The following NADSYN1 variants were observed in gnomAD, a reference collection of about 807,000 sequenced individuals.
NADSYN1 encodes the protein NAD synthetase 1.
In NADSYN1, 80 loss-of-function variants were observed where a neutral mutation model predicts 99.3. That is an observed-to-expected ratio of 0.81 (90% CI 0.67 to 0.97). NADSYN1 has a LOEUF of 0.97. Ranked by LOEUF, NADSYN1 falls within the 50% of genes least tolerant of loss-of-function variation. The probability of loss-of-function intolerance (pLI) is 0.00; values close to 1 mark genes in which losing one functional copy is unlikely to be tolerated. For synonymous variants in NADSYN1, 385 were observed against 372.1 expected (o/e 1.03, Z -0.40); for missense variants, 859 against 948.5 (o/e 0.91, Z 1.24).
rs113765399 is a variant in NADSYN1, at chr11:71,473,620, G to A, written c.600G>A (p.Ser200=). The change falls in exon 8 of 21, where the codon TCG becomes TCA. Residue 200 remains serine (S), a synonymous_variant. Coordinates refer to ENST00000319023, the MANE Select transcript of NADSYN1 (RefSeq NM_018161.5). ...GCGTGGAGATCATCACCAACGCCTCGGGCAGCCACCAAGTGCTGCGCAAAG... is the reference window on the plus strand; with the variant it reads ...GCGTGGAGATCATCACCAACGCCTCAGGCAGCCACCAAGTGCTGCGCAAAG... The part of the protein sequence containing the change: ...LDGVEIITNA[S]GSHQVLRKAN... 7.2e-5 allele frequency: 116 copies of A among 1,613,098 alleles called. No homozygotes were observed. The highest frequency in any genetic ancestry group is 1.2e-4 in the African/African-American group (9 of 75,050).
chr11:71,472,886 G>A (rs1271413660), intron 6 of NADSYN1, among the ~76,000 whole-genome samples: 1 of 152,228 alleles, frequency 6.6e-6, no homozygotes, highest in Non-Finnish European at 1.5e-5. Flanking sequence ...GCACCCTGGT[G>A]TCCCCTCTCA....
chr11:71,497,714 T>A, intron 19 of NADSYN1, 103 bp downstream of exon 19: 1 of 1,428,426 alleles, frequency 7.0e-7, no homozygotes. Context: ...AGTGTGACCC[T>A]AACGTAATAA....
chr11:71,464,144 T>C lies in NADSYN1; in HGVS notation c.407+2T>C. On this transcript the variant is annotated splice_donor_variant, in intron 5 of 20. Coordinates refer to ENST00000319023, the MANE Select transcript of NADSYN1 (RefSeq NM_018161.5). LOFTEE classifies it high-confidence loss of function. ...GTTCACCCCGTGGTCGAGGAGTCGGTGAGTCGGGTGCCTGACCACTCCTGG... is the reference window on the plus strand; with the variant it reads ...GTTCACCCCGTGGTCGAGGAGTCGGCGAGTCGGGTGCCTGACCACTCCTGG... 2 of 1,603,370 alleles carry C rather than the reference T, an allele frequency of 1.2e-6. No homozygotes were observed. Among genetic ancestry groups the C allele is most frequent in the East Asian group, 4.5e-5 (2 of 44,602 alleles).
intron 15 of NADSYN1, chr11:71,484,703 G>A (rs771435400): frequency 3.8e-5 from 19 of 496,396 alleles, no homozygotes; most frequent in Admixed American, 2.0e-4. Flanking sequence ...GAGCAAGAGC[G>A]GGGGTGTAAG....
rs1163618037 is a variant in NADSYN1 at position 71,498,405 on chromosome 11, G to C, written c.1947G>C (p.Lys649Asn). The C allele has an allele frequency of 1.9e-5, 31 of 1,614,098 alleles. No individual in the cohort carries two copies. The highest frequency in any genetic ancestry group is 2.6e-5 in the Non-Finnish European group (31 of 1,180,054). Reference protein sequence around the residue: ...FFSKYSMNRHKMTTLTPAYHA... With the variant: ...FFSKYSMNRHNMTTLTPAYHA... ...CCAAGTACTCCATGAACAGACACAA[G>C]ATGACCACGCTCACACCCGCGTACC... The change falls in exon 20 of 21, where the codon AAG becomes AAC. Residue 649 changes from lysine (K) to asparagine (N), a missense_variant. Transcript: ENST00000319023.
chr11:71,456,693 T>G (rs1949517071), intron 2 of NADSYN1, among the ~76,000 whole-genome samples: 1 of 152,192 alleles, frequency 6.6e-6, no homozygotes, highest in African/African-American at 2.4e-5. Flanking sequence ...ATTTTAAAAG[T>G]GGGAGGATGT....
intron 2 of NADSYN1, among the ~76,000 whole-genome samples, chr11:71,455,827 G>A (rs1949510011): frequency 6.6e-6 from 1 of 152,224 alleles, no homozygotes; most frequent in Non-Finnish European, 1.5e-5. Context: ...TTCATTCCGT[G>A]ATCTCAGAAT....
At chr11:71,482,140 G>C in intron 13 of NADSYN1, 115 bp downstream of exon 13, 1 of 921,476 alleles carries the variant, frequency 1.1e-6, no homozygotes, top group Non-Finnish European at 1.7e-6. Flanking sequence ...TCGGGGTGAA[G>C]GGGGCTTTGT....
intron 5 of NADSYN1, among the ~76,000 whole-genome samples, chr11:71,471,041 AT>A (rs1449710275): frequency 2.6e-5 from 4 of 152,026 alleles, no homozygotes; most frequent in Non-Finnish European, 4.4e-5. Flanking sequence ...ATCTCCTGTC[AT>A]TTATTTGTGC....
chr11:71,478,034 TGTGTCTTACTGACATGGGG>T (rs1196489112), intron 9 of NADSYN1, among the ~76,000 whole-genome samples: 26 of 151,756 alleles, frequency 1.7e-4, no homozygotes, highest in East Asian at 7.7e-4. Context: ...CTGACAGGGG[TGTGTCTTACTGACATGGGG>T]GTGTCTTACT....
At chr11:71,457,090 G>A (rs1949519241) in intron 2 of NADSYN1, among the ~76,000 whole-genome samples, 1 of 152,262 alleles carries the variant, frequency 6.6e-6, no homozygotes, top group Admixed American at 6.5e-5. Flanking sequence ...GGGGTGAGAG[G>A]CCTCTGGTCG....
intron 2 of NADSYN1, among the ~76,000 whole-genome samples, chr11:71,456,235 A>G (rs1949513714): frequency 6.6e-6 from 1 of 152,148 alleles, no homozygotes; most frequent in South Asian, 2.1e-4. Flanking sequence ...CATTAGATTG[A>G]TTTCTCTCCT....
chr11:71,466,965 A>G (rs1434902581), intron 5 of NADSYN1, among the ~76,000 whole-genome samples: 2 of 150,748 alleles, frequency 1.3e-5, no homozygotes, highest in African/African-American at 4.9e-5. Context: ...ACTTCATGGA[A>G]CTGGAGGTGG....
Position 71,501,368 on chromosome 11 carries a change from G to A in NADSYN1, c.*16G>A. Reference sequence around the variant, plus strand: ...CGTGGACTGAGGCCGGTTCCTTCCTGGAGGCCTCCTGTCCTCGGGGACCCC... The same window carrying A: ...CGTGGACTGAGGCCGGTTCCTTCCTAGAGGCCTCCTGTCCTCGGGGACCCC... On this transcript the variant is annotated 3_prime_UTR_variant, in exon 21 of 21. Coordinates refer to ENST00000319023, the MANE Select transcript of NADSYN1 (RefSeq NM_018161.5). The A allele has an allele frequency of 1.3e-6, 2 of 1,596,414 alleles. No homozygotes were observed. The highest frequency in any genetic ancestry group is 2.3e-5 in the East Asian group (1 of 44,166).
chr11:71,485,429 C>A, intron 15 of NADSYN1, 113 bp from the exon 16 acceptor site: 1 of 807,892 alleles, frequency 1.2e-6, no homozygotes, highest in Non-Finnish European at 1.9e-6. Context: ...TCCCCGAACG[C>A]TAGAGAGCTC....
Position 71,482,519 on chromosome 11 carries a change from T to C in NADSYN1, c.1151-330T>C, listed in dbSNP as rs533190115. On this transcript the variant is annotated intron_variant, in intron 13 of 20. Transcript: ENST00000319023. Reference sequence around the variant, plus strand: ...GTGCAGCCGCACAGGCACCTGGGGGTGTAGACCGGGGTGGAGCCGCATGGG... The same window carrying C: ...GTGCAGCCGCACAGGCACCTGGGGGCGTAGACCGGGGTGGAGCCGCATGGG... Among the ~76,000 whole-genome samples, 487 of 141,556 alleles carry C rather than the reference T, an allele frequency of 3.4e-3. 1 individual carries two copies. The highest frequency in any genetic ancestry group is 0.013 in the African/African-American group (469 of 37,270). The allele number at this position is 141,556 out of a possible 152,430, so 92.9% of individuals were successfully genotyped here.
chr11:71,455,622 G>A (rs952237227), intron 2 of NADSYN1, among the ~76,000 whole-genome samples: 1 of 152,224 alleles, frequency 6.6e-6, no homozygotes, highest in Non-Finnish European at 1.5e-5. Flanking sequence ...AAAGGAGCTT[G>A]TTGGCCCCTT....
rs150778200 is a variant in NADSYN1, at chr11:71,485,748, C to T, written c.1562+100C>T. ...TTCTATCATCCTGTGCCTTTCATGG[C>T]GGGTTTGGTGCCTGGAATGACATCA... On this transcript the variant is annotated intron_variant, in intron 16 of 20. Coordinates refer to ENST00000319023, the MANE Select transcript of NADSYN1 (RefSeq NM_018161.5). The T allele has an allele frequency of 2.1e-3, 1,864 of 891,910 alleles. 32 individuals carry two copies. The African/African-American group carries it at 0.028, about 13-fold the overall frequency. The allele number at this position is 891,910 out of a possible 1,614,324, so 55.2% of individuals were successfully genotyped here. A position where few individuals can be genotyped will look rare whatever the true frequency, so the allele number is the denominator to read the frequency against.
intron 4 of NADSYN1, 95 bp from the exon 5 acceptor site, chr11:71,463,958 A>G (rs1270854974): frequency 9.7e-7 from 1 of 1,033,552 alleles, no homozygotes; most frequent in Non-Finnish European, 1.4e-6. Context: ...CTGACTCTGC[A>G]TGGCATCACC....
Sources: gnomAD v4.1 joint callset for allele counts (sites outside exome capture counted in the v4.1 genomes callset) on GRCh38, gnomAD v4.1.1 for gene constraint, MANE v1.5 for transcripts, NCBI Gene and HGNC (gene_info 2026-07-23, HGNC 2026-07-21) for gene names.